The following MMP26 variants were observed in gnomAD, a reference collection of about 807,000 sequenced individuals.
MMP26 encodes the protein matrix metalloproteinase-26.
A neutral mutation model predicts 31.0 loss-of-function variants in MMP26; 33 were observed. That is an observed-to-expected ratio of 1.06 (90% CI 0.81 to 1.42). The LOEUF (loss-of-function observed/expected upper bound fraction) is 1.42, where lower values mean the gene tolerates loss of function less well. Ranked by LOEUF, MMP26 falls within the 40% of genes most tolerant of loss-of-function variation. The pLI is 0.00. For missense variants in MMP26, 347 were observed against 316.1 expected (o/e 1.10, Z -0.74); for synonymous variants, 122 against 114.9 (o/e 1.06, Z -0.40).
In MMP26 at chr11:4,881,030, G is replaced by C. The variant is rs189618171; in HGVS notation, c.-144-107038G>C. Among the ~76,000 whole-genome samples the C allele has an allele frequency of 2.8e-4, 43 of 152,184 alleles. No homozygotes were observed. The East Asian group carries it at 7.9e-3, about 28-fold the overall frequency. On this transcript the variant is annotated intron_variant, in intron 2 of 7. Coordinates refer to ENST00000380390, the MANE Select transcript of MMP26 (RefSeq NM_021801.5). ...ATGGGCAGATGCTACCTTCTTCCTG[G>C]CCAGTCAGATGGAGACTTGTACCTG...
chr11:4,795,877 C>T (rs867664205), intron 2 of MMP26, among the ~76,000 whole-genome samples: 1 of 150,734 alleles, frequency 6.6e-6, no homozygotes, highest in South Asian at 2.1e-4. Flanking sequence ...AGAGACCTAA[C>T]AATCAGCCAC....
chr11:4,708,298 C>T (rs1343299341), intron 1 of MMP26, among the ~76,000 whole-genome samples: 1 of 152,184 alleles, frequency 6.6e-6, no homozygotes, highest in Non-Finnish European at 1.5e-5. Context: ...TGTGAGAACT[C>T]AAAGAGGCTT....
intron 1 of MMP26, among the ~76,000 whole-genome samples, chr11:4,758,148 A>G (rs1272938009): frequency 6.6e-6 from 1 of 152,232 alleles, no homozygotes; most frequent in Non-Finnish European, 1.5e-5. Context: ...TGAAATATCC[A>G]TAGGCTAAAA....
At chr11:4,951,653 T>C (rs1846375045) in intron 2 of MMP26, among the ~76,000 whole-genome samples, 1 of 124,148 alleles carries the variant, frequency 8.1e-6, no homozygotes, top group Non-Finnish European at 1.8e-5. Context: ...TTTTAATATA[T>C]CACAGTCACA....
At chr11:4,710,570 T>A (rs1405566796) in intron 1 of MMP26, 3 of 369,652 alleles carry the variant, frequency 8.1e-6, no homozygotes, top group African/African-American at 2.1e-5. Flanking sequence ...GTTTGATCAT[T>A]CAGTACTGTG....
intron 2 of MMP26, among the ~76,000 whole-genome samples, chr11:4,979,440 G>A (rs1217005921): frequency 6.6e-6 from 1 of 152,124 alleles, no homozygotes; most frequent in East Asian, 1.9e-4. Context: ...TTTTAGGACT[G>A]TTGGATGCAG....
In MMP26 at chr11:4,864,646, T is replaced by C. The variant is rs141993428; in HGVS notation, c.-145+97305T>C. ...ATAATTTGTGCCAATATATTTTTAA[T>C]AAGAAATTGTGAATACTTCTGTCTG... On this transcript the variant is annotated intron_variant, in intron 2 of 7. Transcript: ENST00000380390. Among the ~76,000 whole-genome samples, 1,174 of 152,262 alleles carry C rather than the reference T, an allele frequency of 7.7e-3. 15 individuals are homozygous for C. The highest frequency in any genetic ancestry group is 0.027 in the African/African-American group (1,141 of 41,566).
At chr11:4,988,650 T>G (rs2442422) in intron 3 of MMP26, among the ~76,000 whole-genome samples, 17,331 of 151,928 alleles carry the variant, frequency 0.11, 1,986 homozygotes, top group East Asian at 0.3. Context: ...GAGTGAGAGA[T>G]CAAGGGAAAT....
chr11:4,915,631 G>A (rs1354499372), intron 2 of MMP26: 5 of 1,613,556 alleles, frequency 3.1e-6, no homozygotes, highest in Non-Finnish European at 4.2e-6. Flanking sequence ...CAGAAACGCT[G>A]CTGCTGCTGT....
intron 2 of MMP26, chr11:4,822,227 C>T (rs1268786770): frequency 6.3e-7 from 1 of 1,582,360 alleles, no homozygotes; most frequent in African/African-American, 1.3e-5. Context: ...TATGGCCATT[C>T]AGCACCTCCA....
At chr11:4,825,607 A>G (rs985937289) in intron 2 of MMP26, among the ~76,000 whole-genome samples, 26 of 152,172 alleles carry the variant, frequency 1.7e-4, no homozygotes, top group African/African-American at 6.3e-4. Context: ...AAAATGGAAG[A>G]CTAGATTCAG....
At chr11:4,923,860 G>A (rs1476839789) in intron 2 of MMP26, 8 of 1,613,896 alleles carry the variant, frequency 5.0e-6, no homozygotes, top group African/African-American at 1.3e-5. Flanking sequence ...GGAATGGCAA[G>A]GGGAGGATGA....
chr11:4,770,201 G>T (rs781282840), intron 2 of MMP26, among the ~76,000 whole-genome samples: 1 of 152,116 alleles, frequency 6.6e-6, no homozygotes, highest in Non-Finnish European at 1.5e-5. Context: ...TCCATTTACA[G>T]AATATATTAA....
intron 2 of MMP26, among the ~76,000 whole-genome samples, chr11:4,900,813 C>T (rs888053323): frequency 3.3e-5 from 5 of 152,142 alleles, no homozygotes; most frequent in Non-Finnish European, 7.4e-5. Context: ...CCAAGTTACC[C>T]ACCATTAACA....
intron 1 of MMP26, chr11:4,718,966 G>A: frequency 5.3e-6 from 1 of 189,804 alleles, no homozygotes; most frequent in Non-Finnish European, 1.1e-5. Context: ...AGTGCTGTTG[G>A]CCATGGCTTT....
At chr11:4,857,571 A>C (rs1850073307) in intron 2 of MMP26, among the ~76,000 whole-genome samples, 1 of 152,204 alleles carries the variant, frequency 6.6e-6, no homozygotes, top group Admixed American at 6.5e-5. Flanking sequence ...TCTGAAATTG[A>C]GGCAATAATT....
At chr11:4,706,671 G>C (rs1247535264) in intron 1 of MMP26, among the ~76,000 whole-genome samples, 2 of 151,130 alleles carry the variant, frequency 1.3e-5, no homozygotes, top group Non-Finnish European at 3.0e-5. Flanking sequence ...GCACAATACA[G>C]TATTGTTAAC....
intron 1 of MMP26, among the ~76,000 whole-genome samples, chr11:4,744,146 A>G (rs1324257134): frequency 6.6e-6 from 1 of 152,094 alleles, no homozygotes; most frequent in Non-Finnish European, 1.5e-5. Flanking sequence ...CAGGGATACT[A>G]TAATTTAAAT....
chr11:4,828,164 T>G (rs1039589184), intron 2 of MMP26, among the ~76,000 whole-genome samples: 1 of 152,168 alleles, frequency 6.6e-6, no homozygotes, highest in Non-Finnish European at 1.5e-5. Flanking sequence ...TATCTGTGTA[T>G]AAGAATAGGA....
Sources: gnomAD v4.1 joint callset for allele counts (sites outside exome capture counted in the v4.1 genomes callset) on GRCh38, gnomAD v4.1.1 for gene constraint, MANE v1.5 for transcripts, NCBI Gene and HGNC (gene_info 2026-07-23, HGNC 2026-07-21) for gene names.